Variants in TLE3 observed in about 807,000 individuals in gnomAD.
TLE3 encodes TLE family member 3, transcriptional corepressor.
In TLE3, 14 loss-of-function variants were observed where a neutral mutation model predicts 93.0. The observed-to-expected ratio is 0.15, with a 90% CI of 0.10 to 0.24. The LOEUF (loss-of-function observed/expected upper bound fraction) is 0.24. Among genes scored for constraint, TLE3 ranks in the 10% least tolerant of loss-of-function variants. The pLI is 1.00. For synonymous variants in TLE3, 451 were observed against 425.0 expected, an observed-to-expected ratio of 1.06 and a Z score of -0.75; for missense variants, 693 against 1,046.6, an observed-to-expected ratio of 0.66 and a Z score of 4.66.
intron 4 of TLE3, among the ~76,000 whole-genome samples, chr15:70,088,520 G>A (rs965722709): frequency 6.6e-6 from 1 of 152,202 alleles, no homozygotes; most frequent in Non-Finnish European, 1.5e-5. Flanking sequence ...AGCATTTGTT[G>A]AAAACAAGAT....
At chr15:70,071,718 C>T (rs1298360543) in intron 6 of TLE3, among the ~76,000 whole-genome samples, 1 of 152,174 alleles carries the variant, frequency 6.6e-6, no homozygotes, top group Admixed American at 6.5e-5. Context: ...GGCTGTGTCT[C>T]CTTCCAGAGC....
intron 18 of TLE3, 64 bp downstream of exon 18, chr15:70,052,309 GT>G: frequency 6.3e-7 from 1 of 1,583,486 alleles, no homozygotes; most frequent in Non-Finnish European, 8.6e-7. Context: ...CTTCTGTCCT[GT>G]TGGGCCAGGC....
chr15:70,070,404 G>T (rs775826561), intron 6 of TLE3, among the ~76,000 whole-genome samples: 1 of 152,226 alleles, frequency 6.6e-6, no homozygotes. Context: ...TGGGTTGAAC[G>T]TAGTGAAGTT....
chr15:70,079,763 G>A (rs962395126), intron 4 of TLE3, among the ~76,000 whole-genome samples: 1 of 151,954 alleles, frequency 6.6e-6, no homozygotes, highest in Admixed American at 6.6e-5. Flanking sequence ...CAACAGTAAT[G>A]ACCGCTGATA....
chr15:70,084,721 C>T lies in TLE3; in HGVS notation c.235-8563G>A, dbSNP rs530638419. ...GTCAGTGCTGCTATCTGATGCGTGG[C>T]GCCCACGGTGCCTACACTGCAGGAC... On this transcript the variant is annotated intron_variant, in intron 4 of 19. Coordinates refer to ENST00000451782, the MANE Select transcript of TLE3 (RefSeq NM_001105192.3). Among the ~76,000 whole-genome samples the T allele has an allele frequency of 4.6e-5, 7 of 151,710 alleles. No homozygotes were observed. In the East Asian group the frequency reaches 5.9e-4, roughly 13 times the overall value.
At position 70,097,706 on chromosome 15, in the gene TLE3, T is replaced by A. The variant is rs1010944896; in HGVS notation, c.-908A>T. 2.5e-6 allele frequency: 1 copy of A among 396,732 alleles called. No individual in the cohort carries two copies. The highest frequency in any genetic ancestry group is 2.1e-5 in the African/African-American group (1 of 48,538). 24.6% of individuals were successfully genotyped at this position (396,732 alleles called of 1,614,324 possible). ...GACGCAGCCCGAGACCGGGGAGCTCTACGGCTTCCTTCCTTCCCCTCGGCC... is the reference window on the plus strand; with the variant it reads ...GACGCAGCCCGAGACCGGGGAGCTCAACGGCTTCCTTCCTTCCCCTCGGCC... On this transcript the variant is annotated 5_prime_UTR_variant, in exon 1 of 20. Coordinates refer to ENST00000451782, the MANE Select transcript of TLE3 (RefSeq NM_001105192.3).
At chr15:70,052,068 G>A (rs561513503) in intron 18 of TLE3, among the ~76,000 whole-genome samples, 2 of 152,334 alleles carry the variant, frequency 1.3e-5, no homozygotes, top group Non-Finnish European at 2.9e-5. Context: ...GCAAGTGGTT[G>A]TAACCATGGA....
Position 70,058,561 on chromosome 15 carries a change from C to CCCAGCTTCTCCCACTCCACCCCTCTG in TLE3, c.918+76_918+101dup. On this transcript the variant is annotated intron_variant, in intron 11 of 19. Coordinates refer to ENST00000451782, the MANE Select transcript of TLE3 (RefSeq NM_001105192.3). The surrounding 1 kb of genome is among the most constrained non-coding windows in gnomAD (Gnocchi z 4.1). Reference sequence around the variant, plus strand: ...AAGGTAAACCGGGGCCAATCACCCACCCAGCTTCTCCCACTCCACCCCTCT... The same window carrying CCCAGCTTCTCCCACTCCACCCCTCTG: ...AAGGTAAACCGGGGCCAATCACCCACCCAGCTTCTCCCACTCCACCCCTCTGCCAGCTTCTCCCACTCCACCCCTCT... 4 of 1,456,748 alleles carry CCCAGCTTCTCCCACTCCACCCCTCTG rather than the reference C, an allele frequency of 2.7e-6. No homozygotes were observed. The highest frequency in any genetic ancestry group is 2.7e-6 in the Non-Finnish European group (3 of 1,099,906). The allele number at this position is 1,456,748 out of a possible 1,614,324, so 90.2% of individuals were successfully genotyped here. A position where few individuals can be genotyped will look rare whatever the true frequency, so the allele number is the denominator to read the frequency against.
chr15:70,081,859 T>TTTCA (rs1312295606), intron 4 of TLE3, among the ~76,000 whole-genome samples: 37 of 152,202 alleles, frequency 2.4e-4, no homozygotes, highest in African/African-American at 8.4e-4. Context: ...AAGTGACGAT[T>TTTCA]TTCATCCCAG....
chr15:70,057,717 C>T (rs892727270), intron 12 of TLE3, 59 bp from the exon 13 acceptor site: 37 of 1,528,040 alleles, frequency 2.4e-5, no homozygotes, highest in South Asian at 8.4e-5. Context: ...TGGCCATGGC[C>T]GCCTCACCCA....
chr15:70,053,292 T>C lies in TLE3; in HGVS notation c.1909A>G (p.Asn637Asp). 6.2e-7 allele frequency: 1 copy of C among 1,608,824 alleles called. No homozygotes were observed. Among genetic ancestry groups the C allele is most frequent in the Non-Finnish European group, 8.5e-7 (1 of 1,177,550 alleles). Residue 637 changes from asparagine to aspartate, a missense_variant, in exon 17 of 20, where the codon AAC (asparagine) becomes GAC (aspartate). Transcript: ENST00000451782. ...GTKLWTGGLD[N>D]TVRSWDLREG... Reference sequence around the variant, plus strand: ...CGCAGGTCCCAGGAGCGCACCGTGTTGTCCAGGCCCCCTGTCCACAGTTTG... The same window carrying C: ...CGCAGGTCCCAGGAGCGCACCGTGTCGTCCAGGCCCCCTGTCCACAGTTTG...
chr15:70,074,701 C>A, intron 5 of TLE3, 94 bp from the exon 6 acceptor site: 1 of 1,046,188 alleles, frequency 9.6e-7, no homozygotes, highest in Admixed American at 2.5e-5. Context: ...TCGGAGAGGC[C>A]CAGAGCAGAC....
intron 6 of TLE3, among the ~76,000 whole-genome samples, chr15:70,070,354 C>T (rs1443448403): frequency 1.3e-5 from 2 of 152,200 alleles, no homozygotes; most frequent in Non-Finnish European, 2.9e-5. Context: ...CTTAGGCCTT[C>T]GCTAGGTGAT....
rs559018218 is a variant in TLE3 at position 70,096,385 on chromosome 15, G to T, written c.25-124C>A. The T allele has an allele frequency of 2.1e-4, 302 of 1,470,254 alleles. No homozygotes were observed. In the African/African-American group the frequency reaches 4.0e-3, roughly 19 times the overall value. 91.1% of individuals were successfully genotyped at this position (1,470,254 alleles called of 1,614,324 possible). On this transcript the variant is annotated intron_variant, in intron 1 of 19. Transcript: ENST00000451782. ...CCACCCTCAGCCCAGAACCTTCCCA[G>T]CAAGTTTCTCAGCTCTCCGACGGGG...
chr15:70,097,709 G>A lies in TLE3; in HGVS notation c.-911C>T, dbSNP rs1596056761. On this transcript the variant is annotated 5_prime_UTR_variant, in exon 1 of 20. Coordinates refer to ENST00000451782, the MANE Select transcript of TLE3 (RefSeq NM_001105192.3). The stretch of plus-strand genomic sequence containing the variant: ...GCAGCCCGAGACCGGGGAGCTCTAC[G>A]GCTTCCTTCCTTCCCCTCGGCCCGG... 4 of 396,838 alleles carry A rather than the reference G, an allele frequency of 1.0e-5. No individual in the cohort carries two copies. In the East Asian group the frequency reaches 1.4e-4, roughly 14 times the overall value. 24.6% of individuals were successfully genotyped at this position (396,838 alleles called of 1,614,324 possible).
chr15:70,056,454 G>A, intron 13 of TLE3, 80 bp from the exon 14 acceptor site: 1 of 1,351,258 alleles, frequency 7.4e-7, no homozygotes, highest in Non-Finnish European at 1.0e-6. Flanking sequence ...CACCCACCCG[G>A]GGTCCTACCT....
intron 14 of TLE3, 114 bp downstream of exon 14, chr15:70,056,184 G>C (rs2270871): frequency 0.68 from 788,288 of 1,151,810 alleles, 271,382 homozygotes; most frequent in South Asian, 0.78. Flanking sequence ...TCCAAAGGGA[G>C]GTGCACCAGG....
intron 17 of TLE3, 27 bp from the exon 18 acceptor site, chr15:70,052,551 C>T (rs746254038): frequency 5.6e-6 from 9 of 1,605,746 alleles, no homozygotes; most frequent in African/African-American, 1.3e-5. Context: ...GGCAGATGGA[C>T]TGAGCTCAGC....
intron 4 of TLE3, 106 bp from the exon 5 acceptor site, chr15:70,076,264 C>T: frequency 1.0e-6 from 1 of 990,134 alleles, no homozygotes; most frequent in Non-Finnish European, 1.6e-6. Context: ...AGCCCCTCTC[C>T]ACGGGGCTCC....
Sources: gnomAD v4.1 joint callset for allele counts (sites outside exome capture counted in the v4.1 genomes callset) on GRCh38, gnomAD v4.1.1 for gene constraint, Gnocchi (gnomAD v3.1) non-coding constraint, MANE v1.5 for transcripts, NCBI Gene and HGNC (gene_info 2026-07-23, HGNC 2026-07-21) for gene names.